The following DCDC1 variants were observed in gnomAD, a reference collection of about 807,000 sequenced individuals.
DCDC1 encodes the protein doublecortin domain-containing protein 1.
DCDC1 carries 200 observed loss-of-function variants against 178.3 expected under a neutral mutation model. The observed-to-expected ratio is 1.12, with a 90% CI of 1.00 to 1.26. The LOEUF is 1.26. Ranked by LOEUF, DCDC1 falls within the 50% of genes most tolerant of loss-of-function variation. DCDC1 has a pLI of 0.00. For missense variants in DCDC1, 1,983 were observed against 1,749.2 expected, an observed-to-expected ratio of 1.13 and a Z score of -2.38; for synonymous variants, 690 against 604.8, an observed-to-expected ratio of 1.14 and a Z score of -2.07.
At chr11:31,272,160 T>TAA (rs71060483) in intron 7 of DCDC1, among the ~76,000 whole-genome samples, 5 of 135,606 alleles carry the variant, frequency 3.7e-5, no homozygotes, top group Admixed American at 7.3e-5. Flanking sequence ...AGACTCCATC[T>TAA]AAAAAAAAAA....
At chr11:30,914,632 CAAAAAAAA>C (rs11355322) in intron 27 of DCDC1, among the ~76,000 whole-genome samples, 13 of 100,844 alleles carry the variant, frequency 1.3e-4, no homozygotes, top group South Asian at 7.4e-4. Flanking sequence ...CATATGCACC[CAAAAAAAA>C]AAAAAAAAAA....
rs552387679 is a variant in DCDC1, at chr11:30,890,253, G to A, written c.5082+2565C>T. 3.3e-5 allele frequency among the ~76,000 whole-genome samples: 5 copies of A among 152,304 alleles called. No individual in the cohort carries two copies. In the East Asian group the frequency reaches 9.6e-4, roughly 29 times the overall value. On this transcript the variant is annotated intron_variant, in intron 36 of 38. Transcript: ENST00000684477. Reference sequence around the variant, plus strand: ...GAAAACTAATACATATGTATATGGGGTCTATCATATGCTTTTAAACAATCT... The same window carrying A: ...GAAAACTAATACATATGTATATGGGATCTATCATATGCTTTTAAACAATCT...
chr11:31,255,123 T>C (rs1944324506), intron 8 of DCDC1, among the ~76,000 whole-genome samples: 1 of 152,202 alleles, frequency 6.6e-6, no homozygotes, highest in African/African-American at 2.4e-5. Flanking sequence ...CAGCATTTCA[T>C]TCCTTTTCAT....
intron 21 of DCDC1, chr11:30,943,620 T>C (rs891457463): frequency 2.2e-6 from 1 of 450,894 alleles, no homozygotes; most frequent in African/African-American, 2.0e-5. Context: ...AATTCACAAC[T>C]TTTCCCCCAT....
At chr11:31,273,697 C>T (rs914618661) in intron 7 of DCDC1, among the ~76,000 whole-genome samples, 3 of 152,160 alleles carry the variant, frequency 2.0e-5, no homozygotes, top group African/African-American at 7.2e-5. Flanking sequence ...TTTCAGGTAT[C>T]TACAGCAGCA....
intron 36 of DCDC1, among the ~76,000 whole-genome samples, chr11:30,888,030 GAGAGAA>G (rs1279350809): frequency 1.5e-5 from 2 of 132,944 alleles, no homozygotes; most frequent in African/African-American, 6.4e-5. Context: ...AAGAGAGAGA[GAGAGAA>G]AGAAAGAAAG....
rs117050120 is a variant in DCDC1 at position 31,270,755 on chromosome 11, G to A, written c.961-5155C>T. Among the ~76,000 whole-genome samples the A allele has an allele frequency of 5.7e-3, 862 of 152,150 alleles. 11 individuals carry two copies. Among genetic ancestry groups the A allele is most frequent in the South Asian group, 0.022 (108 of 4,816 alleles). On this transcript the variant is annotated intron_variant, in intron 7 of 38. Transcript: ENST00000684477. ...TCTTATTGAACAAAAACAAACAAGC[G>A]CTGTCCCCAACACCCAGGATCTTGA...
chr11:31,044,477 C>CAAAA (rs34317259), intron 20 of DCDC1, among the ~76,000 whole-genome samples: 2 of 96,914 alleles, frequency 2.1e-5, no homozygotes, highest in African/African-American at 3.8e-5. Context: ...TACTCCATCT[C>CAAAA]AAAAAAAAAA....
intron 27 of DCDC1, among the ~76,000 whole-genome samples, chr11:30,911,652 AG>A (rs1223607790): frequency 6.6e-6 from 1 of 152,172 alleles, no homozygotes; most frequent in Non-Finnish European, 1.5e-5. Context: ...TGGCTGTGGT[AG>A]GGGGTCAGCA....
chr11:31,314,695 T>A (rs1948962683), intron 3 of DCDC1: 1 of 152,080 alleles, frequency 6.6e-6, no homozygotes, highest in Non-Finnish European at 1.5e-5. Flanking sequence ...ATGATCGCTA[T>A]CATTTAAGAG....
At chr11:30,929,142 C>CGAA (rs1946770707) in intron 22 of DCDC1, among the ~76,000 whole-genome samples, 1 of 152,040 alleles carries the variant, frequency 6.6e-6, no homozygotes. Context: ...TCAGTAGTCA[C>CGAA]TAATTTAAGG....
At chr11:30,922,710 A>G in intron 23 of DCDC1, 72 bp from the exon 24 acceptor site, 1 of 1,367,518 alleles carries the variant, frequency 7.3e-7, no homozygotes, top group South Asian at 1.7e-5. Flanking sequence ...TCTAAACTGG[A>G]AACAATTAAA....
intron 9 of DCDC1, among the ~76,000 whole-genome samples, chr11:31,212,947 C>G (rs1400458813): frequency 6.6e-6 from 1 of 152,028 alleles, no homozygotes; most frequent in South Asian, 2.1e-4. Context: ...AACCTGTGTA[C>G]TACGTGAAGA....
intron 18 of DCDC1, among the ~76,000 whole-genome samples, chr11:31,069,022 T>G (rs759535482): frequency 2.6e-5 from 4 of 152,090 alleles, no homozygotes; most frequent in Admixed American, 6.5e-5. Flanking sequence ...TGGCTAATTT[T>G]TTGTATTTTT....
chr11:31,174,746 A>C (rs920838956), intron 9 of DCDC1, among the ~76,000 whole-genome samples: 5 of 152,148 alleles, frequency 3.3e-5, no homozygotes, highest in Non-Finnish European at 7.4e-5. Context: ...CACTGGGACA[A>C]CCAGCTGTGG....
intron 10 of DCDC1, among the ~76,000 whole-genome samples, chr11:31,136,370 A>G (rs1236848193): frequency 6.6e-6 from 1 of 152,098 alleles, no homozygotes; most frequent in East Asian, 1.9e-4. Context: ...CTTATGAAAT[A>G]TTATCTACTG....
At chr11:30,944,164 A>G in intron 21 of DCDC1, 1 of 360,248 alleles carries the variant, frequency 2.8e-6, no homozygotes, top group South Asian at 2.3e-5. Flanking sequence ...GATTTCTGGA[A>G]CACCAAACTT....
At chr11:31,061,739 T>C (rs1196777030) in intron 20 of DCDC1, among the ~76,000 whole-genome samples, 1 of 152,074 alleles carries the variant, frequency 6.6e-6, no homozygotes, top group East Asian at 1.9e-4. Flanking sequence ...AAAACCCCTA[T>C]TAAAAATTCT....
chr11:31,302,107 AG>A (rs1948152973), intron 6 of DCDC1, among the ~76,000 whole-genome samples: 1 of 152,228 alleles, frequency 6.6e-6, no homozygotes, highest in Non-Finnish European at 1.5e-5. Flanking sequence ...TCAACCAAAA[AG>A]TTTTAAAGAC....
Sources: gnomAD v4.1 joint callset for allele counts (sites outside exome capture counted in the v4.1 genomes callset) on GRCh38, gnomAD v4.1.1 for gene constraint, MANE v1.5 for transcripts, NCBI Gene and HGNC (gene_info 2026-07-23, HGNC 2026-07-21) for gene names.